The following PITPNM3 variants were observed in gnomAD, a reference collection of about 807,000 sequenced individuals.
PITPNM3 encodes membrane-associated phosphatidylinositol transfer protein 3.
In PITPNM3, 26 loss-of-function variants were observed where a neutral mutation model predicts 102.0. The ratio of observed to expected loss-of-function variants is 0.25; its 90% CI spans 0.19 to 0.35. PITPNM3 has a LOEUF of 0.35. Ranked by LOEUF, PITPNM3 falls within the 10% of genes least tolerant of loss-of-function variation. The pLI is 1.00. For synonymous variants in PITPNM3, 578 were observed against 558.6 expected (o/e 1.03, Z -0.49); for missense variants, 1,083 against 1,346.1 (o/e 0.80, Z 3.06).
chr17:6,518,846 A>G (rs1296451006), intron 3 of PITPNM3, among the ~76,000 whole-genome samples: 1 of 152,212 alleles, frequency 6.6e-6, no homozygotes, highest in African/African-American at 2.4e-5. Context: ...AACTTGATGA[A>G]GGGCATTTCT....
intron 4 of PITPNM3, 72 bp from the exon 5 acceptor site, chr17:6,484,364 C>G: frequency 6.8e-7 from 1 of 1,464,218 alleles, no homozygotes; most frequent in Non-Finnish European, 9.6e-7. Flanking sequence ...CTGGGCCCAG[C>G]TGGCCCTAAA....
chr17:6,456,936 C>T (rs1423468948), intron 19 of PITPNM3, among the ~76,000 whole-genome samples: 2 of 152,198 alleles, frequency 1.3e-5, no homozygotes, highest in Admixed American at 6.5e-5. Flanking sequence ...AATGTCCTCT[C>T]GGCTTTTCTT....
chr17:6,537,026 G>A lies in PITPNM3; in HGVS notation c.118+961C>T, dbSNP rs1006729205. Among the ~76,000 whole-genome samples, 1 of 152,104 alleles carries A rather than the reference G, an allele frequency of 6.6e-6. No individual in the cohort carries two copies. The highest frequency in any genetic ancestry group is 1.5e-5 in the Non-Finnish European group (1 of 68,010). On this transcript the variant is annotated intron_variant, in intron 2 of 19. Coordinates refer to ENST00000262483, the MANE Select transcript of PITPNM3 (RefSeq NM_031220.4). The surrounding 1 kb of genome is among the most constrained non-coding windows in gnomAD (Gnocchi z 4.4). ...TGCCTGTACACCTGCCTGGGTACTC[G>A]TGCCTCTGAGCCTTCAAGGCTGATC...
At chr17:6,466,561 C>T (rs1347318926) in intron 14 of PITPNM3, among the ~76,000 whole-genome samples, 29 of 152,282 alleles carry the variant, frequency 1.9e-4, no homozygotes, top group Admixed American at 1.7e-3. Context: ...TCACACCCAC[C>T]GGGATGACTA....
chr17:6,535,232 G>C (rs1490899966), intron 2 of PITPNM3, among the ~76,000 whole-genome samples: 2 of 152,148 alleles, frequency 1.3e-5, no homozygotes, highest in Non-Finnish European at 2.9e-5. Flanking sequence ...GCCTGGGCTG[G>C]AGAGCAGAGG....
chr17:6,542,524 T>C (rs928022614), intron 1 of PITPNM3, among the ~76,000 whole-genome samples: 7 of 152,206 alleles, frequency 4.6e-5, no homozygotes, highest in African/African-American at 1.7e-4. Flanking sequence ...ACACGGGCTT[T>C]GGAACAACAC....
At chr17:6,455,756 AGCGGAAGAAGGGAAGGGAGAGGAGGG>A in intron 19 of PITPNM3, 113 bp from the exon 20 acceptor site, 1 of 25,564 alleles carries the variant, frequency 3.9e-5, no homozygotes, top group African/African-American at 1.3e-4. Flanking sequence ...GAAGAAGGGA[AGCGGAAGAAGGGAAGGGAGAGGAGGG>A]GAGGGGAAGG....
chr17:6,501,109 G>C (rs1907140965), intron 4 of PITPNM3, among the ~76,000 whole-genome samples: 1 of 152,216 alleles, frequency 6.6e-6, no homozygotes, highest in Non-Finnish European at 1.5e-5. Context: ...TGTGTCTGTG[G>C]AAAACAGAGC....
chr17:6,543,073 T>G (rs975753935), intron 1 of PITPNM3, among the ~76,000 whole-genome samples: 6 of 152,104 alleles, frequency 3.9e-5, no homozygotes, highest in African/African-American at 1.4e-4. Context: ...AAGGGGAATA[T>G]CCCAACTCTT....
chr17:6,473,527 A>G (rs1344050010), intron 10 of PITPNM3, among the ~76,000 whole-genome samples: 5 of 152,200 alleles, frequency 3.3e-5, no homozygotes, highest in Admixed American at 3.3e-4. Context: ...AGCTTTGGCC[A>G]AAAGCATGGA....
chr17:6,465,327 T>C lies in PITPNM3; in HGVS notation c.1891-556A>G, dbSNP rs144145540. On this transcript the variant is annotated intron_variant, in intron 14 of 19. Coordinates refer to ENST00000262483, the MANE Select transcript of PITPNM3 (RefSeq NM_031220.4). ...TCCCAAAGTGCTGGGATTATAGGCA[T>C]GAGCCACCGTGCCTGGCCCGTTCTC... 4.6e-3 allele frequency among the ~76,000 whole-genome samples: 696 copies of C among 152,344 alleles called. 4 individuals carry two copies. Among genetic ancestry groups the C allele is most frequent in the African/African-American group, 0.016 (665 of 41,580 alleles).
At position 6,469,682 on chromosome 17, in the gene PITPNM3, G is replaced by T. The variant is rs1904963531; in HGVS notation, c.1773+578C>A. 6.6e-6 allele frequency among the ~76,000 whole-genome samples: 1 copy of T among 152,132 alleles called. No homozygotes were observed. The highest frequency in any genetic ancestry group is 2.4e-5 in the African/African-American group (1 of 41,424). On this transcript the variant is annotated intron_variant, in intron 13 of 19. Transcript: ENST00000262483. The surrounding 1 kb of genome is among the most constrained non-coding windows in gnomAD (Gnocchi z 4.0). ...CACTGGCCTCACAAGAGGCCTCATG[G>T]TTCCTCTCCTGCCGTGAAAACAGCA...
chr17:6,499,130 C>T (rs1907017076), intron 4 of PITPNM3, among the ~76,000 whole-genome samples: 1 of 151,834 alleles, frequency 6.6e-6, no homozygotes, highest in African/African-American at 2.4e-5. Context: ...TGGACCCCCA[C>T]CAAGCCCCCA....
rs373343537 is a variant in PITPNM3 at position 6,477,966 on chromosome 17, C to T, written c.900+9G>A. On this transcript the variant is annotated intron_variant, in intron 8 of 19. Coordinates refer to ENST00000262483, the MANE Select transcript of PITPNM3 (RefSeq NM_031220.4). ...ATACCCCTCCCGCGGTCCTGTCCCCCGGCTGTACCTGGGTGCTGCTGATGC... is the reference window on the plus strand; with the variant it reads ...ATACCCCTCCCGCGGTCCTGTCCCCTGGCTGTACCTGGGTGCTGCTGATGC... 6.8e-6 allele frequency: 11 copies of T among 1,611,890 alleles called. No homozygotes were observed. The highest frequency in any genetic ancestry group is 4.0e-5 in the African/African-American group (3 of 74,936).
intron 2 of PITPNM3, among the ~76,000 whole-genome samples, chr17:6,533,363 G>A (rs1909244844): frequency 6.6e-6 from 1 of 152,208 alleles, no homozygotes; most frequent in African/African-American, 2.4e-5. Context: ...GATGAATGAC[G>A]TGGAGCATCT....
intron 1 of PITPNM3, among the ~76,000 whole-genome samples, chr17:6,552,138 C>A (rs1421632855): frequency 6.6e-6 from 1 of 152,190 alleles, no homozygotes; most frequent in Non-Finnish European, 1.5e-5. Context: ...GCCAGCTACA[C>A]CCCTCAGAGC....
chr17:6,455,529 C>T lies in PITPNM3; in HGVS notation c.2734G>A (p.Ala912Thr), dbSNP rs780611896. The stretch of plus-strand genomic sequence containing the variant: ...CGCTTCCGCAGGAACTCTGGCTGCG[C>T]GTGCAGCCCGAAGCTGCCCTTGCGC... ...ILRKGSFGLH[A>T]QPEFLRKRNH... is the part of the protein sequence containing the mutation. The change falls in exon 20 of 20, where the codon GCG becomes ACG. Residue 912 changes from alanine (A) to threonine (T), a missense_variant. By Grantham distance (58) the Ala-to-Thr change is moderately conservative. This residue lies in a region of PITPNM3 where 208 missense variants were observed against 178.2 expected (regional missense o/e 1.17). Coordinates refer to ENST00000262483, the MANE Select transcript of PITPNM3 (RefSeq NM_031220.4). The T allele has an allele frequency of 5.6e-6, 9 of 1,604,840 alleles. No individual in the cohort carries two copies. The Admixed American group carries it at 1.5e-4, about 27-fold the overall frequency.
At chr17:6,541,373 T>C (rs1219721863) in intron 1 of PITPNM3, among the ~76,000 whole-genome samples, 1 of 151,300 alleles carries the variant, frequency 6.6e-6, no homozygotes, top group Non-Finnish European at 1.5e-5. Context: ...AATCCATGGA[T>C]AAGAGCCTTC....
rs148932496 is a variant in PITPNM3, at chr17:6,491,836, T to TATATATATATATATATATATAA, written c.275-7545_275-7544insTTATATATATATATATATATAT. 6.7e-3 allele frequency among the ~76,000 whole-genome samples: 928 copies of TATATATATATATATATATATAA among 139,184 alleles called. 17 individuals are homozygous for TATATATATATATATATATATAA. The highest frequency in any genetic ancestry group is 0.027 in the Admixed American group (368 of 13,766). The allele number at this position is 139,184 out of a possible 152,430, so 91.3% of individuals were successfully genotyped here. A position where few individuals can be genotyped will look rare whatever the true frequency, so the allele number is the denominator to read the frequency against. On this transcript the variant is annotated intron_variant, in intron 4 of 19. Transcript: ENST00000262483. ...AATGGAATATATATATATATATATA[T>TATATATATATATATATATATAA]AATAAAGAATTAATTAAGAATTAAG...
Sources: gnomAD v4.1 joint callset for allele counts (sites outside exome capture counted in the v4.1 genomes callset) on GRCh38, gnomAD v4.1.1 for gene constraint, gnomAD v4.1.1 regional missense constraint, Gnocchi (gnomAD v3.1) non-coding constraint, MANE v1.5 for transcripts, NCBI Gene and HGNC (gene_info 2026-07-23, HGNC 2026-07-21) for gene names.